SPOCK1: variants seen among roughly 807,000 people sequenced by gnomAD.
The protein encoded by SPOCK1 is SPARC (osteonectin), cwcv and kazal like domains proteoglycan 1.
SPOCK1 carries 23 observed loss-of-function variants against 55.3 expected under a neutral mutation model. The observed-to-expected ratio is 0.42, with a 90% CI of 0.30 to 0.59. SPOCK1 has a LOEUF of 0.59. Ranked by LOEUF, SPOCK1 falls within the 20% of genes least tolerant of loss-of-function variation. SPOCK1 has a pLI of 0.22. For synonymous variants in SPOCK1, 226 were observed against 221.0 expected (o/e 1.02, Z -0.20); for missense variants, 499 against 552.5 (o/e 0.90, Z 0.97).
rs1023131059 is a variant in SPOCK1, at chr5:137,079,832, A to G, written c.475-12003T>C. 3.3e-5 allele frequency among the ~76,000 whole-genome samples: 5 copies of G among 152,138 alleles called. No individual in the cohort carries two copies. The East Asian group carries it at 9.7e-4, about 29-fold the overall frequency. On this transcript the variant is annotated intron_variant, in intron 5 of 10. Transcript: ENST00000394945. ...GTGTCCTCCTCTGGACATGACCCTG[A>G]CCACTCCTACTCCTGCAGACCCCCC...
intron 2 of SPOCK1, among the ~76,000 whole-genome samples, chr5:137,283,855 C>A (rs926994558): frequency 3.9e-5 from 6 of 152,178 alleles, no homozygotes; most frequent in Non-Finnish European, 8.8e-5. Context: ...CTACTACAGA[C>A]CTGAAATAGG....
rs536818635 is a variant in SPOCK1 at position 137,053,731 on chromosome 5, C to T, written c.589+13984G>A. On this transcript the variant is annotated intron_variant, in intron 6 of 10. Coordinates refer to ENST00000394945, the MANE Select transcript of SPOCK1 (RefSeq NM_004598.4). Reference sequence around the variant, plus strand: ...AGGGCTGCTGCAGCTCCACTCACACCTCTGCAAGGATAAAACACAGCACAA... The same window carrying T: ...AGGGCTGCTGCAGCTCCACTCACACTTCTGCAAGGATAAAACACAGCACAA... Among the ~76,000 whole-genome samples, 44 of 152,226 alleles carry T rather than the reference C, an allele frequency of 2.9e-4. 2 individuals carry two copies. The South Asian group carries it at 8.3e-3, about 29-fold the overall frequency.
intron 3 of SPOCK1, among the ~76,000 whole-genome samples, chr5:137,232,916 G>T (rs1431242637): frequency 6.6e-6 from 1 of 152,188 alleles, no homozygotes; most frequent in Non-Finnish European, 1.5e-5. Flanking sequence ...AGTTGAAATA[G>T]ATGTGTTATT....
chr5:136,992,604 G>C lies in SPOCK1; in HGVS notation c.590-4C>G. On this transcript the variant is annotated splice_region_variant and splice_polypyrimidine_tract_variant and intron_variant, in intron 6 of 10. Transcript: ENST00000394945. ...CGCAACTCCTTGTCTGTGCAGGCTA[G>C]AGAAAAGCAAACAGAACAGACAATG... 1 of 1,609,432 alleles carries C rather than the reference G, an allele frequency of 6.2e-7. No homozygotes were observed. Among genetic ancestry groups the C allele is most frequent in the Non-Finnish European group, 8.5e-7 (1 of 1,177,832 alleles).
At chr5:137,031,340 GCT>G (rs1483376401) in intron 6 of SPOCK1, among the ~76,000 whole-genome samples, 1 of 152,116 alleles carries the variant, frequency 6.6e-6, no homozygotes, top group Non-Finnish European at 1.5e-5. Flanking sequence ...AAATTCACCG[GCT>G]CTCATGTTGA....
At chr5:137,203,244 A>C (rs1755458734) in intron 3 of SPOCK1, among the ~76,000 whole-genome samples, 1 of 151,788 alleles carries the variant, frequency 6.6e-6, no homozygotes, top group Non-Finnish European at 1.5e-5. Flanking sequence ...GTGCTTGGCC[A>C]TTGGCAGTCA....
intron 6 of SPOCK1, among the ~76,000 whole-genome samples, chr5:137,036,560 T>G (rs548194964): frequency 1.3e-5 from 2 of 152,328 alleles, no homozygotes; most frequent in South Asian, 4.1e-4. Context: ...GGCTCAGAAT[T>G]TGTGTCATGG....
intron 5 of SPOCK1, among the ~76,000 whole-genome samples, chr5:137,104,205 G>C (rs1442693481): frequency 2.0e-5 from 3 of 152,140 alleles, no homozygotes; most frequent in African/African-American, 7.2e-5. Context: ...CGTGATAAGA[G>C]TTCTCAGGAG....
At chr5:137,034,796 G>A (rs1312851228) in intron 6 of SPOCK1, among the ~76,000 whole-genome samples, 2 of 152,184 alleles carry the variant, frequency 1.3e-5, no homozygotes, top group Non-Finnish European at 2.9e-5. Flanking sequence ...GTTGAGAAAG[G>A]GCACTAGGAT....
intron 2 of SPOCK1, among the ~76,000 whole-genome samples, chr5:137,286,209 C>T (rs182583879): frequency 1.1e-4 from 16 of 152,310 alleles, no homozygotes; most frequent in Non-Finnish European, 5.9e-5. Context: ...GGATCTAAAT[C>T]TAGGTCCATT....
At chr5:136,998,892 C>T (rs1166434842) in intron 6 of SPOCK1, among the ~76,000 whole-genome samples, 2 of 152,150 alleles carry the variant, frequency 1.3e-5, no homozygotes, top group Non-Finnish European at 2.9e-5. Flanking sequence ...AGAGAAGGGC[C>T]CAGGTAATTT....
chr5:136,994,370 C>T (rs1751003213), intron 6 of SPOCK1, among the ~76,000 whole-genome samples: 1 of 152,152 alleles, frequency 6.6e-6, no homozygotes, highest in African/African-American at 2.4e-5. Flanking sequence ...CCAGCTTTGC[C>T]ACTCACTGGC....
chr5:137,352,084 G>C (rs1750692631), intron 2 of SPOCK1, among the ~76,000 whole-genome samples: 1 of 152,218 alleles, frequency 6.6e-6, no homozygotes, highest in Admixed American at 6.5e-5. Flanking sequence ...GTGACCTGGA[G>C]CAAGTGTCTT....
chr5:137,401,079 A>G (rs1218161648), intron 2 of SPOCK1, among the ~76,000 whole-genome samples: 1 of 152,104 alleles, frequency 6.6e-6, no homozygotes, highest in South Asian at 2.1e-4. Context: ...TCCTTGTACC[A>G]AATCCAACAT....
intron 6 of SPOCK1, among the ~76,000 whole-genome samples, chr5:137,050,638 T>C (rs769483178): frequency 6.6e-6 from 1 of 152,136 alleles, no homozygotes; most frequent in Non-Finnish European, 1.5e-5. Context: ...ACCGGAGCTG[T>C]TCCTATTCGG....
At chr5:137,498,223 C>T in intron 2 of SPOCK1, 150 bp downstream of exon 2, 1 of 776,880 alleles carries the variant, frequency 1.3e-6, no homozygotes, top group Non-Finnish European at 1.8e-6. Flanking sequence ...GAAGCTGGGA[C>T]CGACCAGCCC....
At chr5:137,357,706 A>G (rs576978774) in intron 2 of SPOCK1, among the ~76,000 whole-genome samples, 2 of 152,244 alleles carry the variant, frequency 1.3e-5, no homozygotes, top group Admixed American at 6.5e-5. Context: ...CTGAATATAG[A>G]CTACATATTT....
chr5:136,979,633 A>C, intron 9 of SPOCK1, 164 bp from the exon 10 acceptor site: 1 of 824,328 alleles, frequency 1.2e-6, no homozygotes, highest in Non-Finnish European at 1.9e-6. Flanking sequence ...CAGGGCCCTT[A>C]ACCTTTAGAG....
At chr5:137,052,013 G>A (rs1455126908) in intron 6 of SPOCK1, among the ~76,000 whole-genome samples, 1 of 152,214 alleles carries the variant, frequency 6.6e-6, no homozygotes, top group Non-Finnish European at 1.5e-5. Context: ...CCATTGAGAT[G>A]TAAGCAGAAC....
Sources: gnomAD v4.1 joint callset for allele counts (sites outside exome capture counted in the v4.1 genomes callset) on GRCh38, gnomAD v4.1.1 for gene constraint, MANE v1.5 for transcripts, NCBI Gene and HGNC (gene_info 2026-07-23, HGNC 2026-07-21) for gene names.